Variants in MAML2 observed in about 807,000 individuals in gnomAD.
The protein encoded by MAML2 is mastermind like transcriptional coactivator 2, also known as mastermind-like protein 2.
A neutral mutation model predicts 96.1 loss-of-function variants in MAML2; 22 were observed. The ratio of observed to expected loss-of-function variants is 0.23; its 90% CI spans 0.16 to 0.33. The LOEUF (loss-of-function observed/expected upper bound fraction) is 0.33, where lower values mean the gene tolerates loss of function less well. Ranked by LOEUF, MAML2 falls within the 10% of genes least tolerant of loss-of-function variation. The probability of loss-of-function intolerance (pLI) is 1.00; values close to 1 mark genes in which losing one functional copy is unlikely to be tolerated. For synonymous variants in MAML2, 561 were observed against 521.3 expected, an observed-to-expected ratio of 1.08 and a Z score of -1.04; for missense variants, 1,367 against 1,392.4, an observed-to-expected ratio of 0.98 and a Z score of 0.29.
At chr11:96,287,095 A>G (rs145014008) in intron 1 of MAML2, among the ~76,000 whole-genome samples, 1 of 152,338 alleles carries the variant, frequency 6.6e-6, no homozygotes, top group African/African-American at 2.4e-5. Flanking sequence ...ATGGGAAGTG[A>G]AAAGATGTTA....
chr11:96,178,825 A>G (rs1861435451), intron 1 of MAML2, among the ~76,000 whole-genome samples: 1 of 152,222 alleles, frequency 6.6e-6, no homozygotes, highest in East Asian at 1.9e-4. Context: ...GAGGAAGAAC[A>G]AAAGGATCAG....
At chr11:96,265,623 C>T (rs930645343) in intron 1 of MAML2, among the ~76,000 whole-genome samples, 3 of 152,260 alleles carry the variant, frequency 2.0e-5, no homozygotes, top group African/African-American at 4.8e-5. Flanking sequence ...TATAAAAACC[C>T]GAGACCCTAG....
At chr11:96,087,793 A>C (rs1859642232) in intron 2 of MAML2, among the ~76,000 whole-genome samples, 1 of 152,184 alleles carries the variant, frequency 6.6e-6, no homozygotes, top group African/African-American at 2.4e-5. Flanking sequence ...GTTACCCTTC[A>C]GGCAACCTCT....
chr11:96,296,426 G>A (rs1318228061), intron 1 of MAML2, among the ~76,000 whole-genome samples: 6 of 152,124 alleles, frequency 3.9e-5, no homozygotes, highest in South Asian at 2.1e-4. Flanking sequence ...GAGCGGATCC[G>A]AGGCTAGGAG....
intron 1 of MAML2, among the ~76,000 whole-genome samples, chr11:96,148,516 T>C (rs1007150482): frequency 5.3e-5 from 8 of 151,706 alleles, no homozygotes; most frequent in Admixed American, 3.3e-4. Flanking sequence ...TAGGTGCCTG[T>C]CTACACTATG....
In MAML2 at chr11:95,979,849, A is replaced by T; in HGVS notation, c.2570T>A (p.Met857Lys). 1 of 1,613,996 alleles carries T rather than the reference A, an allele frequency of 6.2e-7. No homozygotes were observed. ...CTGAACTGCTGTAGATAATGATGGC[A>T]TTCTTGTCCCGTGAGAAGTAGACAG... is the stretch of plus-strand genomic sequence containing the variant. ...SLLSTSHGTR[M>K]PSLSTAVQNM... Residue 857 changes from methionine to lysine, a missense_variant, in exon 5 of 5, where the codon ATG becomes AAG. Met to Lys is a moderately conservative substitution (Grantham distance 95). Transcript: ENST00000524717.
chr11:96,180,029 C>T (rs762831420), intron 1 of MAML2, among the ~76,000 whole-genome samples: 19 of 152,156 alleles, frequency 1.2e-4, no homozygotes, highest in Non-Finnish European at 2.6e-4. Context: ...AAGGTCCATT[C>T]GAAACTAAGA....
intron 4 of MAML2, among the ~76,000 whole-genome samples, chr11:95,984,681 C>T (rs780068509): frequency 6.6e-6 from 1 of 152,132 alleles, no homozygotes; most frequent in African/African-American, 2.4e-5. Context: ...CTTAACAGTA[C>T]CAGGAAGTAT....
chr11:96,050,651 T>A (rs1468979640), intron 2 of MAML2, among the ~76,000 whole-genome samples: 1 of 152,174 alleles, frequency 6.6e-6, no homozygotes, highest in African/African-American at 2.4e-5. Context: ...GTAGAGTGCA[T>A]CTGGACTGGG....
chr11:96,201,752 T>C (rs1861825581), intron 1 of MAML2, among the ~76,000 whole-genome samples: 1 of 151,382 alleles, frequency 6.6e-6, no homozygotes, highest in Non-Finnish European at 1.5e-5. Context: ...ACCCCGTCTC[T>C]ACTAAAAATA....
chr11:96,298,938 G>A (rs1489624481), intron 1 of MAML2, among the ~76,000 whole-genome samples: 2 of 145,698 alleles, frequency 1.4e-5, no homozygotes, highest in Non-Finnish European at 3.0e-5. Flanking sequence ...CCAGCTACTC[G>A]GGAGGCTGAG....
At chr11:96,114,994 C>A (rs896766349) in intron 1 of MAML2, among the ~76,000 whole-genome samples, 2 of 152,094 alleles carry the variant, frequency 1.3e-5, no homozygotes, top group African/African-American at 4.8e-5. Context: ...ACTGAGCTGT[C>A]AGAAGTACGT....
intron 1 of MAML2, among the ~76,000 whole-genome samples, chr11:96,223,621 T>C (rs889481937): frequency 3.3e-5 from 5 of 152,128 alleles, no homozygotes; most frequent in Non-Finnish European, 7.4e-5. Context: ...GTATTATATA[T>C]AAAGTGCATG....
intron 1 of MAML2, among the ~76,000 whole-genome samples, chr11:96,143,122 C>A (rs1860762030): frequency 6.6e-6 from 1 of 152,146 alleles, no homozygotes; most frequent in African/African-American, 2.4e-5. Context: ...TTTATTTCAA[C>A]AGAACTGTGG....
rs185134300 is a variant in MAML2 at position 96,261,060 on chromosome 11, G to A, written c.513+80323C>T. Reference sequence around the variant, plus strand: ...ATGGTTTGAATGACCCCTCCAAAACGCATGTTGGAACTTAATCTCCAATCT... The same window carrying A: ...ATGGTTTGAATGACCCCTCCAAAACACATGTTGGAACTTAATCTCCAATCT... On this transcript the variant is annotated intron_variant, in intron 1 of 4. Transcript: ENST00000524717. Among the ~76,000 whole-genome samples the A allele has an allele frequency of 9.9e-5, 15 of 152,138 alleles. 1 individual carries two copies. The highest frequency in any genetic ancestry group is 3.4e-3 in the Middle Eastern group (1 of 294).
intron 1 of MAML2, among the ~76,000 whole-genome samples, chr11:96,293,274 T>C (rs1173272297): frequency 1.3e-5 from 2 of 152,212 alleles, no homozygotes; most frequent in Non-Finnish European, 2.9e-5. Flanking sequence ...AGTAAAGATT[T>C]GGAGCATTTT....
At chr11:96,228,772 T>C (rs182811811) in intron 1 of MAML2, among the ~76,000 whole-genome samples, 40 of 152,280 alleles carry the variant, frequency 2.6e-4, no homozygotes, top group Admixed American at 7.8e-4. Flanking sequence ...GTGAATTCCA[T>C]TGTGGTGATG....
In MAML2 at chr11:96,068,484, A is replaced by T. The variant is rs542587965; in HGVS notation, c.2139+23408T>A. On this transcript the variant is annotated intron_variant, in intron 2 of 4. Coordinates refer to ENST00000524717, the MANE Select transcript of MAML2 (RefSeq NM_032427.4). ...CACACACACACACACACACAGAGGGAGGGAGGGAGAGAGAGAGAGAGAGGC... is the reference window on the plus strand; with the variant it reads ...CACACACACACACACACACAGAGGGTGGGAGGGAGAGAGAGAGAGAGAGGC... Among the ~76,000 whole-genome samples, 705 of 150,992 alleles carry T rather than the reference A, an allele frequency of 4.7e-3. 7 individuals carry two copies. Among genetic ancestry groups the T allele is most frequent in the African/African-American group, 0.016 (665 of 41,100 alleles).
intron 1 of MAML2, among the ~76,000 whole-genome samples, chr11:96,189,791 A>G (rs1221869708): frequency 6.6e-6 from 1 of 152,226 alleles, no homozygotes; most frequent in African/African-American, 2.4e-5. Context: ...TTCAGAAAAG[A>G]ATCCATCACA....
Sources: allele counts gnomAD v4.1 joint callset (sites outside exome capture counted in the v4.1 genomes callset), GRCh38; gene constraint gnomAD v4.1.1; transcripts MANE v1.5; gene names NCBI Gene and HGNC (gene_info 2026-07-23, HGNC 2026-07-21).